Variants in DLG2 observed in about 807,000 individuals in gnomAD.
The protein encoded by DLG2 is discs large MAGUK scaffold protein 2, also known as disks large homolog 2.
DLG2 carries 45 observed loss-of-function variants against 132.5 expected under a neutral mutation model. That is an observed-to-expected ratio of 0.34 (90% CI 0.27 to 0.44). The LOEUF is 0.44. Among genes scored for constraint, DLG2 ranks in the 20% least tolerant of loss-of-function variants. The pLI is 1.00. For synonymous variants in DLG2, 424 were observed against 419.6 expected, an observed-to-expected ratio of 1.01 and a Z score of -0.13; for missense variants, 1,045 against 1,196.9, an observed-to-expected ratio of 0.87 and a Z score of 1.87.
chr11:83,579,439 A>G (rs2096932719), intron 19 of DLG2, among the ~76,000 whole-genome samples: 1 of 152,238 alleles, frequency 6.6e-6, no homozygotes, highest in African/African-American at 2.4e-5. Flanking sequence ...CATAATGGAT[A>G]TCGCCACATT....
At chr11:84,149,763 A>G (rs1369293777) in intron 9 of DLG2, among the ~76,000 whole-genome samples, 2 of 151,950 alleles carry the variant, frequency 1.3e-5, no homozygotes, top group Non-Finnish European at 2.9e-5. Context: ...TTTATTTAAG[A>G]TGGAGTCTCA....
chr11:84,113,972 C>T (rs2093495043), intron 9 of DLG2, among the ~76,000 whole-genome samples: 1 of 151,840 alleles, frequency 6.6e-6, no homozygotes, highest in East Asian at 1.9e-4. Context: ...AAAAAATGTC[C>T]TATAAAGATA....
chr11:84,681,951 A>G (rs149198752), intron 6 of DLG2, among the ~76,000 whole-genome samples: 173 of 152,240 alleles, frequency 1.1e-3, no homozygotes, highest in African/African-American at 4.0e-3. Context: ...GCTTGTACTC[A>G]TAGCAGAAGA....
At chr11:84,066,721 A>C (rs2096679489) in intron 10 of DLG2, among the ~76,000 whole-genome samples, 1 of 152,102 alleles carries the variant, frequency 6.6e-6, no homozygotes, top group African/African-American at 2.4e-5. Context: ...AGATCGTGCC[A>C]CTGCACTCCA....
intron 14 of DLG2, among the ~76,000 whole-genome samples, chr11:83,937,312 C>G (rs1348560566): frequency 6.6e-6 from 1 of 151,848 alleles, no homozygotes; most frequent in African/African-American, 2.4e-5. Flanking sequence ...TCGAGACCAT[C>G]CTGGCTACCA....
intron 20 of DLG2, among the ~76,000 whole-genome samples, chr11:83,539,461 T>C (rs2095995102): frequency 6.6e-6 from 1 of 152,132 alleles, no homozygotes; most frequent in Non-Finnish European, 1.5e-5. Flanking sequence ...TTAAAATAAG[T>C]ACATGGGTAC....
chr11:84,431,426 G>A (rs1458871590), intron 7 of DLG2, among the ~76,000 whole-genome samples: 3 of 152,064 alleles, frequency 2.0e-5, no homozygotes, highest in Non-Finnish European at 4.4e-5. Flanking sequence ...ATTAACCATT[G>A]TTGTTTAGAC....
chr11:85,172,110 T>C (rs1003457244), intron 4 of DLG2, among the ~76,000 whole-genome samples: 6 of 152,218 alleles, frequency 3.9e-5, no homozygotes, highest in African/African-American at 1.4e-4. Context: ...GGGGCAGCCA[T>C]ACTGCTTGTT....
intron 18 of DLG2, among the ~76,000 whole-genome samples, chr11:83,659,274 G>A (rs931275336): frequency 2.0e-5 from 3 of 152,142 alleles, no homozygotes; most frequent in South Asian, 2.1e-4. Context: ...TGAGACACAC[G>A]GGGATTAGTT....
chr11:83,642,736 T>C (rs919591187), intron 18 of DLG2, among the ~76,000 whole-genome samples: 3 of 152,162 alleles, frequency 2.0e-5, no homozygotes, highest in African/African-American at 7.2e-5. Context: ...GAGTAACTGA[T>C]GTATTATTAT....
intron 3 of DLG2, among the ~76,000 whole-genome samples, chr11:85,461,684 C>A (rs183837184): frequency 4.6e-5 from 7 of 152,320 alleles, no homozygotes; most frequent in African/African-American, 1.7e-4. Context: ...CCCCAAGCCA[C>A]ATGCAGCAGC....
intron 17 of DLG2, among the ~76,000 whole-genome samples, chr11:83,818,507 T>A (rs747863200): frequency 1.3e-5 from 2 of 152,128 alleles, no homozygotes; most frequent in African/African-American, 2.4e-5. Context: ...ACTATAAGCA[T>A]CCCAAGGACA....
At chr11:85,531,056 G>T (rs1006256020) in intron 3 of DLG2, among the ~76,000 whole-genome samples, 28 of 152,100 alleles carry the variant, frequency 1.8e-4, no homozygotes, top group African/African-American at 6.5e-4. Flanking sequence ...ATAAGTAAAT[G>T]AAAATAGAAG....
chr11:85,385,525 C>G (rs1247149599), intron 3 of DLG2, among the ~76,000 whole-genome samples: 1 of 152,104 alleles, frequency 6.6e-6, no homozygotes, highest in African/African-American at 2.4e-5. Flanking sequence ...TGGGGAAATT[C>G]CAATCTAATG....
intron 3 of DLG2, among the ~76,000 whole-genome samples, chr11:85,587,354 T>TA (rs2079037910): frequency 6.6e-6 from 1 of 152,186 alleles, no homozygotes. Flanking sequence ...GGTCTAGTAA[T>TA]AATTATTTTA....
intron 2 of DLG2, among the ~76,000 whole-genome samples, chr11:85,615,729 ATAATCT>A (rs1565766817): frequency 6.6e-6 from 1 of 152,202 alleles, no homozygotes; most frequent in African/African-American, 2.4e-5. Flanking sequence ...TGGAGGAGAA[ATAATCT>A]TAATAAGAAA....
chr11:84,015,299 C>T (rs2095114056), intron 11 of DLG2, among the ~76,000 whole-genome samples: 1 of 152,252 alleles, frequency 6.6e-6, no homozygotes, highest in South Asian at 2.1e-4. Flanking sequence ...TTAGCACTCA[C>T]TGACTTAGCA....
intron 8 of DLG2, among the ~76,000 whole-genome samples, chr11:84,223,324 C>A (rs868505517): frequency 6.6e-6 from 1 of 151,988 alleles, no homozygotes; most frequent in Admixed American, 6.6e-5. Context: ...TGTTTTTCTG[C>A]GCATGGGATT....
At chr11:83,484,822 A>G (rs1168375838) in intron 21 of DLG2, among the ~76,000 whole-genome samples, 1 of 152,168 alleles carries the variant, frequency 6.6e-6, no homozygotes. Flanking sequence ...AAGTATGTAG[A>G]TTTATGGTAT....
Sources: gnomAD v4.1 joint callset for allele counts (sites outside exome capture counted in the v4.1 genomes callset) on GRCh38, gnomAD v4.1.1 for gene constraint, MANE v1.5 for transcripts, NCBI Gene and HGNC (gene_info 2026-07-23, HGNC 2026-07-21) for gene names.